GRIP1: variants seen among roughly 807,000 people sequenced by gnomAD.
GRIP1 encodes glutamate receptor interacting protein 1.
Under a neutral mutation model 129.9 loss-of-function variants are expected in GRIP1, and 45 were observed. The observed-to-expected ratio is 0.35, with a 90% CI of 0.27 to 0.44. GRIP1 has a LOEUF of 0.44. GRIP1 is among the 20% of genes least tolerant of loss of function. GRIP1 has a pLI of 1.00. For synonymous variants in GRIP1, 530 were observed against 520.8 expected (o/e 1.02, Z -0.24); for missense variants, 1,196 against 1,396.8 (o/e 0.86, Z 2.29).
Position 66,842,895 on chromosome 12 carries a change from T to A in GRIP1, c.58+226155A>T, listed in dbSNP as rs1025990313. Among the ~76,000 whole-genome samples, 3 of 152,252 alleles carry A rather than the reference T, an allele frequency of 2.0e-5. No homozygotes were observed. The East Asian group carries it at 5.8e-4, about 29-fold the overall frequency. Reference sequence around the variant, plus strand: ...TACAGGAAGCCATCAGCTGCTTACGTTTTTAGGATCAAAGAAAAGGTATAG... The same window carrying A: ...TACAGGAAGCCATCAGCTGCTTACGATTTTAGGATCAAAGAAAAGGTATAG... On this transcript the variant is annotated intron_variant, in intron 1 of 1. Coordinates refer to the GRIP1 transcript ENST00000643019.
chr12:66,742,785 G>A (rs937429819), intron 1 of GRIP1, among the ~76,000 whole-genome samples: 1 of 151,908 alleles, frequency 6.6e-6, no homozygotes, highest in African/African-American at 2.4e-5. Context: ...GACATGATGA[G>A]GTAATAAAAA....
intron 1 of GRIP1, among the ~76,000 whole-genome samples, chr12:66,827,397 A>T (rs898595721): frequency 5.1e-4 from 74 of 145,458 alleles, no homozygotes; most frequent in African/African-American, 1.3e-3. Context: ...TGAGAGAGAG[A>T]GAGAGAGAGA....
intron 1 of GRIP1, among the ~76,000 whole-genome samples, chr12:66,613,765 A>T (rs113413975): frequency 7.9e-5 from 12 of 152,260 alleles, no homozygotes; most frequent in African/African-American, 2.2e-4. Context: ...TCTTTCCCTG[A>T]ATCACTATTA....
chr12:66,538,161 C>T (rs971575292), intron 4 of GRIP1, among the ~76,000 whole-genome samples: 4 of 151,838 alleles, frequency 2.6e-5, no homozygotes, highest in Non-Finnish European at 5.9e-5. Context: ...ACTTTGCAGC[C>T]ATCTTTGGTA....
intron 1 of GRIP1, among the ~76,000 whole-genome samples, chr12:67,064,859 G>A (rs992800352): frequency 1.2e-4 from 18 of 150,886 alleles, no homozygotes; most frequent in Non-Finnish European, 2.2e-4. Flanking sequence ...CCACTAACTC[G>A]TCATCTAGCA....
At chr12:66,484,655 G>T (rs557817810) in intron 7 of GRIP1, among the ~76,000 whole-genome samples, 10 of 152,256 alleles carry the variant, frequency 6.6e-5, no homozygotes, top group African/African-American at 2.2e-4. Context: ...GAGTAGAATG[G>T]TGGTTACCAG....
chr12:66,887,537 C>A (rs2040585595), intron 1 of GRIP1, among the ~76,000 whole-genome samples: 1 of 152,146 alleles, frequency 6.6e-6, no homozygotes, highest in Non-Finnish European at 1.5e-5. Flanking sequence ...ATAGATATCT[C>A]CATCTAGGTC....
chr12:66,460,028 G>T (rs1352387701), intron 9 of GRIP1, among the ~76,000 whole-genome samples: 1 of 152,150 alleles, frequency 6.6e-6, no homozygotes, highest in Non-Finnish European at 1.5e-5. Flanking sequence ...CTCAGACAAT[G>T]TTCACAATAT....
intron 1 of GRIP1, among the ~76,000 whole-genome samples, chr12:66,755,356 G>A (rs2037254943): frequency 6.6e-6 from 1 of 152,044 alleles, no homozygotes; most frequent in African/African-American, 2.4e-5. Context: ...AGAATGTGGC[G>A]AACTATTTTA....
chr12:66,760,846 T>A (rs2037452494), intron 1 of GRIP1, among the ~76,000 whole-genome samples: 1 of 151,778 alleles, frequency 6.6e-6, no homozygotes, highest in Non-Finnish European at 1.5e-5. Flanking sequence ...TTAGTTAGTA[T>A]CTTTTTTTTT....
At chr12:66,922,688 A>G (rs921019201) in intron 1 of GRIP1, among the ~76,000 whole-genome samples, 1 of 152,242 alleles carries the variant, frequency 6.6e-6, no homozygotes, top group African/African-American at 2.4e-5. Flanking sequence ...GGCTTCTGGG[A>G]AAATACTTCA....
intron 1 of GRIP1, among the ~76,000 whole-genome samples, chr12:66,930,565 A>T (rs1209404008): frequency 6.6e-6 from 1 of 152,010 alleles, no homozygotes; most frequent in Non-Finnish European, 1.5e-5. Flanking sequence ...CGCAATAAAC[A>T]TACTTGTGCA....
intron 1 of GRIP1, among the ~76,000 whole-genome samples, chr12:66,949,193 C>T (rs1481282826): frequency 1.3e-5 from 2 of 152,074 alleles, no homozygotes; most frequent in African/African-American, 4.8e-5. Context: ...AACTCGAACA[C>T]ATAATTATGG....
At chr12:66,416,081 T>A (rs1592811576) in intron 15 of GRIP1, among the ~76,000 whole-genome samples, 2 of 151,408 alleles carry the variant, frequency 1.3e-5, no homozygotes, top group East Asian at 1.9e-4. Flanking sequence ...AAAATAAAAT[T>A]TGAAGAAAAA....
At chr12:66,499,278 C>A (rs966674236) in intron 7 of GRIP1, among the ~76,000 whole-genome samples, 1 of 152,058 alleles carries the variant, frequency 6.6e-6, no homozygotes, top group South Asian at 2.1e-4. Flanking sequence ...CAGTCTTTTT[C>A]TCAAAAAACA....
intron 7 of GRIP1, among the ~76,000 whole-genome samples, chr12:66,468,064 T>A (rs1020254013): frequency 1.3e-5 from 2 of 152,248 alleles, no homozygotes; most frequent in African/African-American, 4.8e-5. Flanking sequence ...TAATAGGGTT[T>A]CTAAGTTTTA....
chr12:66,668,520 G>A (rs1278991510), intron 1 of GRIP1, among the ~76,000 whole-genome samples: 1 of 152,192 alleles, frequency 6.6e-6, no homozygotes, highest in Non-Finnish European at 1.5e-5. Context: ...CCTCCAGACA[G>A]CCTTGAGCAG....
intron 1 of GRIP1, among the ~76,000 whole-genome samples, chr12:67,021,918 T>A (rs536387626): frequency 6.6e-6 from 1 of 152,280 alleles, no homozygotes; most frequent in Admixed American, 6.5e-5. Flanking sequence ...ATTTTTCTGG[T>A]CCTGGCTTAT....
chr12:66,980,959 A>T (rs927764705), intron 1 of GRIP1, among the ~76,000 whole-genome samples: 1 of 152,178 alleles, frequency 6.6e-6, no homozygotes, highest in African/African-American at 2.4e-5. Context: ...TAAAGGACCC[A>T]TGTTTAACAT....
Sources: allele counts gnomAD v4.1 joint callset (sites outside exome capture counted in the v4.1 genomes callset), GRCh38; gene constraint gnomAD v4.1.1; transcripts MANE v1.5; gene names NCBI Gene and HGNC (gene_info 2026-07-23, HGNC 2026-07-21).